Variants in SLC2A13 observed in about 807,000 individuals in gnomAD.
SLC2A13 encodes the protein proton myo-inositol cotransporter.
SLC2A13 carries 32 observed loss-of-function variants against 64.4 expected under a neutral mutation model. The observed-to-expected ratio is 0.50, with a 90% CI of 0.37 to 0.67. The LOEUF is 0.67. SLC2A13 is among the 30% of genes least tolerant of loss of function. SLC2A13 has a pLI of 0.00. For synonymous variants in SLC2A13, 338 were observed against 327.1 expected, an observed-to-expected ratio of 1.03 and a Z score of -0.36; for missense variants, 743 against 829.2, an observed-to-expected ratio of 0.90 and a Z score of 1.28.
chr12:39,764,009 C>G (rs767793897), intron 9 of SLC2A13, among the ~76,000 whole-genome samples: 14 of 152,134 alleles, frequency 9.2e-5, no homozygotes, highest in South Asian at 2.1e-4. Context: ...TACTGTTAAG[C>G]ATTTGAGGAA....
In SLC2A13 at chr12:40,105,402, A is replaced by C; in HGVS notation, c.407T>G (p.Leu136Arg). Residue 136 changes from leucine (L) to arginine (R), a missense_variant, in exon 1 of 10, where the codon CTG (leucine) becomes CGG (arginine). Around this residue, in one of 2 missense-constraint regions of SLC2A13, gnomAD observed 448 missense variants for 447.4 expected, o/e 1.00. Coordinates refer to ENST00000280871, the MANE Select transcript of SLC2A13 (RefSeq NM_052885.4). This position sits in a 1 kb window ranked among gnomAD's most constrained non-coding sequence, Gnocchi z 4.2. ...STVGAAAVSA[L>R]AGGALNGVFG... ...GACGCCGTTGAGGGCGCCTCCGGCC[A>C]GCGCCGAGACGGCAGCCGCCCCCAC... 6.4e-7 allele frequency: 1 copy of C among 1,553,686 alleles called. No homozygotes were observed. Among genetic ancestry groups the C allele is most frequent in the Non-Finnish European group, 8.7e-7 (1 of 1,150,062 alleles).
chr12:39,948,925 A>G (rs920980641), intron 4 of SLC2A13, among the ~76,000 whole-genome samples: 5 of 152,194 alleles, frequency 3.3e-5, no homozygotes, highest in African/African-American at 1.2e-4. Flanking sequence ...AGACTCTAAT[A>G]GATTATTTTA....
At position 40,105,767 on chromosome 12, in the gene SLC2A13, C is replaced by G. The variant is rs1028224782; in HGVS notation, c.42G>C (p.Arg14=). The G allele has an allele frequency of 3.6e-5, 54 of 1,490,350 alleles. No individual in the cohort carries two copies. The highest frequency in any genetic ancestry group is 4.7e-5 in the Non-Finnish European group (53 of 1,120,640). The allele number at this position is 1,490,350 out of a possible 1,614,324, so 92.3% of individuals were successfully genotyped here. A position where few individuals can be genotyped will look rare whatever the true frequency, so the allele number is the denominator to read the frequency against. ...GCTCGCCCATCAGGCTGCTCAGGCT[C>G]CGCAGCGTGTACTCCACATTCTCGC... The part of the protein sequence containing the change: ...KASENVEYTL[R]SLSSLMGERR... Residue 14 remains arginine, a synonymous_variant, in exon 1 of 10, where the codon CGG becomes CGC. Transcript: ENST00000280871. This position sits in a 1 kb window ranked among gnomAD's most constrained non-coding sequence, Gnocchi z 4.2.
intron 7 of SLC2A13, among the ~76,000 whole-genome samples, chr12:39,792,218 A>C (rs868580448): frequency 8.2e-6 from 1 of 121,908 alleles, no homozygotes; most frequent in Non-Finnish European, 1.7e-5. Flanking sequence ...TTATACAAAA[A>C]TCAATTCAAG....
intron 6 of SLC2A13, among the ~76,000 whole-genome samples, chr12:39,852,389 G>A (rs1350397020): frequency 1.3e-5 from 2 of 152,288 alleles, no homozygotes; most frequent in African/African-American, 2.4e-5. Flanking sequence ...TGTAACAAAT[G>A]TAAAGTGCTT....
intron 4 of SLC2A13, among the ~76,000 whole-genome samples, chr12:39,877,903 G>C (rs776540025): frequency 6.6e-6 from 1 of 152,182 alleles, no homozygotes; most frequent in Non-Finnish European, 1.5e-5. Flanking sequence ...GGTGGGAGAC[G>C]TTTGGATCAT....
intron 3 of SLC2A13, among the ~76,000 whole-genome samples, chr12:40,002,242 T>A (rs919380173): frequency 2.5e-4 from 38 of 152,308 alleles, no homozygotes; most frequent in African/African-American, 8.9e-4. Context: ...TCCTCATAAT[T>A]ATCCTATAGT....
chr12:39,940,108 C>T (rs1945993326), intron 4 of SLC2A13, among the ~76,000 whole-genome samples: 4 of 152,104 alleles, frequency 2.6e-5, no homozygotes, highest in South Asian at 2.1e-4. Context: ...CCAATGAACA[C>T]GAATGAGTAC....
chr12:40,046,287 G>A (rs1365371164), intron 2 of SLC2A13, among the ~76,000 whole-genome samples: 20 of 152,114 alleles, frequency 1.3e-4, no homozygotes, highest in Admixed American at 1.3e-3. Flanking sequence ...GGGGGTTTCA[G>A]GCTTGTCCCA....
chr12:39,923,944 C>T (rs993514206), intron 4 of SLC2A13, among the ~76,000 whole-genome samples: 1 of 151,960 alleles, frequency 6.6e-6, no homozygotes, highest in Admixed American at 6.6e-5. Context: ...AAACATGCTA[C>T]TGATTTTCAT....
chr12:39,969,150 T>G (rs1188495121), intron 3 of SLC2A13, among the ~76,000 whole-genome samples: 1 of 152,190 alleles, frequency 6.6e-6, no homozygotes, highest in Non-Finnish European at 1.5e-5. Flanking sequence ...TATGGCTGCA[T>G]AGTATTCAAT....
chr12:39,954,751 C>T (rs1222509254), intron 3 of SLC2A13, among the ~76,000 whole-genome samples: 2 of 151,976 alleles, frequency 1.3e-5, no homozygotes, highest in Non-Finnish European at 2.9e-5. Context: ...ACTAAGAATG[C>T]ACAAAGGCAG....
chr12:39,939,708 A>G (rs1945985731), intron 4 of SLC2A13, among the ~76,000 whole-genome samples: 1 of 152,250 alleles, frequency 6.6e-6, no homozygotes, highest in African/African-American at 2.4e-5. Flanking sequence ...AGCATGTGGT[A>G]AGCATTTAAT....
intron 7 of SLC2A13, among the ~76,000 whole-genome samples, chr12:39,788,929 T>A (rs115827025): frequency 0.022 from 3,309 of 152,220 alleles, 118 homozygotes; most frequent in African/African-American, 0.076. Flanking sequence ...TCTTTTCTAA[T>A]ACGTATTTAA....
chr12:39,973,536 C>T (rs1382931035), intron 3 of SLC2A13, among the ~76,000 whole-genome samples: 2 of 152,222 alleles, frequency 1.3e-5, no homozygotes, highest in Non-Finnish European at 2.9e-5. Flanking sequence ...CACTGTCACA[C>T]ATCTGACTTC....
At chr12:40,091,939 C>T (rs1179168857) in intron 1 of SLC2A13, among the ~76,000 whole-genome samples, 3 of 152,144 alleles carry the variant, frequency 2.0e-5, no homozygotes, top group Non-Finnish European at 2.9e-5. Flanking sequence ...TCAATTAATC[C>T]ATACAATAAC....
At chr12:39,793,609 T>C (rs1036995063) in intron 7 of SLC2A13, among the ~76,000 whole-genome samples, 2 of 152,128 alleles carry the variant, frequency 1.3e-5, no homozygotes, top group Non-Finnish European at 2.9e-5. Flanking sequence ...AACCAGAATC[T>C]CTTCTGCATG....
intron 4 of SLC2A13, among the ~76,000 whole-genome samples, chr12:39,936,121 A>G (rs1945913508): frequency 6.6e-6 from 1 of 152,206 alleles, no homozygotes; most frequent in African/African-American, 2.4e-5. Context: ...TGTTGCAGAA[A>G]GTTTAGAGGC....
At chr12:39,920,960 T>G (rs1298159595) in intron 4 of SLC2A13, among the ~76,000 whole-genome samples, 2 of 152,026 alleles carry the variant, frequency 1.3e-5, no homozygotes, top group East Asian at 3.9e-4. Flanking sequence ...ACTTCAGCAC[T>G]ATGCACATCA....
Sources: gnomAD v4.1 joint callset for allele counts (sites outside exome capture counted in the v4.1 genomes callset) on GRCh38, gnomAD v4.1.1 for gene constraint, gnomAD v4.1.1 regional missense constraint, Gnocchi (gnomAD v3.1) non-coding constraint, MANE v1.5 for transcripts, NCBI Gene and HGNC (gene_info 2026-07-23, HGNC 2026-07-21) for gene names.